The following PCDH11X variants were observed in gnomAD, a reference collection of about 807,000 sequenced individuals.
PCDH11X encodes the protein protocadherin-11 X-linked.
A neutral mutation model predicts 53.3 loss-of-function variants in PCDH11X; 18 were observed. The ratio of observed to expected loss-of-function variants is 0.34; its 90% CI spans 0.23 to 0.50. The LOEUF (loss-of-function observed/expected upper bound fraction) is 0.50. PCDH11X is among the 20% of genes least tolerant of loss of function. The pLI is 0.98. For synonymous variants in PCDH11X, 279 were observed against 393.3 expected (o/e 0.71, Z 3.44); for missense variants, 570 against 1,032.4 (o/e 0.55, Z 6.14).
At chrX:92,036,958 A>G (rs2063135840) in intron 6 of PCDH11X, among the ~76,000 whole-genome samples, 1 of 111,817 alleles carries the variant, frequency 8.9e-6, no homozygotes, top group African/African-American at 3.3e-5. Context: ...GACTGGCGGT[A>G]TTTTGCCCAT....
At chrX:92,087,447 G>A (rs1308975214) in intron 6 of PCDH11X, among the ~76,000 whole-genome samples, 1 of 109,983 alleles carries the variant, frequency 9.1e-6, no homozygotes, top group Admixed American at 9.8e-5. Context: ...GACCCTTCAC[G>A]ACTGGGCTCA....
intron 6 of PCDH11X, among the ~76,000 whole-genome samples, chrX:91,890,382 C>T (rs1940419373): frequency 9.0e-6 from 1 of 111,260 alleles, no homozygotes; most frequent in African/African-American, 3.3e-5. Flanking sequence ...TATAATCTTT[C>T]ATTTAGAAAA....
intron 6 of PCDH11X, among the ~76,000 whole-genome samples, chrX:91,935,196 A>G (rs1468204885): frequency 2.7e-5 from 3 of 109,852 alleles, no homozygotes; most frequent in Non-Finnish European, 5.7e-5. Flanking sequence ...AAGTTTTAAA[A>G]AAAGCATTGT....
At chrX:92,044,421 A>T (rs1331527925) in intron 6 of PCDH11X, among the ~76,000 whole-genome samples, 1 of 108,582 alleles carries the variant, frequency 9.2e-6, no homozygotes, top group Non-Finnish European at 1.9e-5. Flanking sequence ...ATATAGATTA[A>T]CAAAAAGTTT....
intron 6 of PCDH11X, among the ~76,000 whole-genome samples, chrX:92,127,715 G>T (rs1230563331): frequency 9.2e-5 from 10 of 109,239 alleles, no homozygotes; most frequent in Non-Finnish European, 1.5e-4. Context: ...TAGAGACGGG[G>T]TTTCACCATG....
intron 10 of PCDH11X, among the ~76,000 whole-genome samples, chrX:92,551,897 A>G (rs1378596441): frequency 4.9e-5 from 5 of 102,196 alleles, no homozygotes; most frequent in Admixed American, 1.1e-4. Context: ...ATTCTGTTCC[A>G]TTGGTCTATG....
In PCDH11X at chrX:92,621,879, T is replaced by C. The variant is rs1275189055; in HGVS notation, c.*2939T>C. 9.0e-6 allele frequency: 1 copy of C among 110,724 alleles called. No homozygotes were observed. Among genetic ancestry groups the C allele is most frequent in the Non-Finnish European group, 1.9e-5 (1 of 53,001 alleles). 9.1% of individuals were successfully genotyped at this position (110,724 alleles called of 1,213,427 possible). On this transcript the variant is annotated 3_prime_UTR_variant, in exon 11 of 11. Coordinates refer to ENST00000682573, the MANE Select transcript of PCDH11X (RefSeq NM_032968.5). ...ATGAGAATAATACGTTCAATCAAAG[T>C]AGTTATTCTATTTTGTGTCCATATT...
At chrX:92,046,202 G>C (rs1330682035) in intron 6 of PCDH11X, among the ~76,000 whole-genome samples, 1 of 111,247 alleles carries the variant, frequency 9.0e-6, no homozygotes, top group East Asian at 2.8e-4. Flanking sequence ...TCCTACAACA[G>C]GGTGTTTTTC....
chrX:92,092,270 C>T (rs2064061981), intron 6 of PCDH11X, among the ~76,000 whole-genome samples: 1 of 111,577 alleles, frequency 9.0e-6, no homozygotes, highest in East Asian at 2.8e-4. Context: ...TCTTTCAGAA[C>T]TTTACAAGGT....
intron 10 of PCDH11X, among the ~76,000 whole-genome samples, chrX:92,559,136 T>C (rs1403750691): frequency 1.8e-5 from 2 of 111,029 alleles, no homozygotes; most frequent in Admixed American, 1.9e-4. Flanking sequence ...TGTAATTAAC[T>C]CAAAGGCTTT....
intron 6 of PCDH11X, among the ~76,000 whole-genome samples, chrX:91,904,702 G>T (rs1416942016): frequency 9.1e-6 from 1 of 109,926 alleles, no homozygotes; most frequent in Non-Finnish European, 1.9e-5. Context: ...TCTCAAATAG[G>T]ATGTTTGATA....
At chrX:91,993,340 A>G (rs1290442413) in intron 6 of PCDH11X, among the ~76,000 whole-genome samples, 2 of 112,641 alleles carry the variant, frequency 1.8e-5, no homozygotes, top group Non-Finnish European at 1.9e-5. Flanking sequence ...TTTTATTAAA[A>G]GTAATTTTGA....
At chrX:92,373,740 A>G (rs1270704191) in intron 8 of PCDH11X, among the ~76,000 whole-genome samples, 1 of 111,945 alleles carries the variant, frequency 8.9e-6, no homozygotes, top group Non-Finnish European at 1.9e-5. Flanking sequence ...ATAATCAAGT[A>G]ATTATATCAG....
intron 6 of PCDH11X, among the ~76,000 whole-genome samples, chrX:91,960,712 C>T (rs983411478): frequency 1.8e-5 from 2 of 111,377 alleles, no homozygotes; most frequent in African/African-American, 6.5e-5. Context: ...GCATGAGCCA[C>T]CACACCTGGC....
At position 92,268,474 on chromosome X, in the gene PCDH11X, G is replaced by A. The variant is rs184735258; in HGVS notation, c.3144+5331G>A. On this transcript the variant is annotated intron_variant, in intron 8 of 10. Coordinates refer to ENST00000682573, the MANE Select transcript of PCDH11X (RefSeq NM_032968.5). ...GCCCAACAATTTTTTGTATTTTTTA[G>A]TAGAGACGGGGTTTCACCATGTTGG... Among the ~76,000 whole-genome samples the A allele has an allele frequency of 2.3e-4, 25 of 110,761 alleles. No individual in the cohort carries two copies. The East Asian group carries it at 7.1e-3, about 32-fold the overall frequency.
intron 6 of PCDH11X, among the ~76,000 whole-genome samples, chrX:91,963,155 G>T (rs1456450321): frequency 1.8e-5 from 2 of 111,074 alleles, no homozygotes; most frequent in Non-Finnish European, 3.8e-5. Context: ...CAGAAAATGG[G>T]TTTTTCTTTT....
At chrX:91,788,167 G>A (rs1879752348) in intron 1 of PCDH11X, among the ~76,000 whole-genome samples, 1 of 111,365 alleles carries the variant, frequency 9.0e-6, no homozygotes, top group African/African-American at 3.3e-5. Flanking sequence ...AATTACCTTT[G>A]CTCAAATTTA....
At chrX:91,935,421 A>T (rs1297033582) in intron 6 of PCDH11X, among the ~76,000 whole-genome samples, 2 of 111,089 alleles carry the variant, frequency 1.8e-5, no homozygotes, top group African/African-American at 6.5e-5. Context: ...TCTTAAAGAT[A>T]AATTATTTTT....
At chrX:92,137,894 G>A (rs778714678) in intron 6 of PCDH11X, among the ~76,000 whole-genome samples, 161 of 109,923 alleles carry the variant, frequency 1.5e-3, no homozygotes, top group African/African-American at 5.0e-3. Flanking sequence ...AGAATGCACA[G>A]GTTTGTTACA....
Sources: allele counts gnomAD v4.1 joint callset (sites outside exome capture counted in the v4.1 genomes callset), GRCh38; gene constraint gnomAD v4.1.1; transcripts MANE v1.5; gene names NCBI Gene and HGNC (gene_info 2026-07-23, HGNC 2026-07-21).